FOXJ3: variants seen among roughly 807,000 people sequenced by gnomAD.
FOXJ3 encodes the protein forkhead box protein J3.
In FOXJ3, 22 loss-of-function variants were observed where a neutral mutation model predicts 76.1. That is an observed-to-expected ratio of 0.29 (90% confidence interval 0.21 to 0.41). The LOEUF (loss-of-function observed/expected upper bound fraction) is 0.41, where lower values mean the gene tolerates loss of function less well. Ranked by LOEUF, FOXJ3 falls within the 10% of genes least tolerant of loss-of-function variation. FOXJ3 has a pLI of 1.00. For missense variants in FOXJ3, 613 were observed against 762.1 expected (o/e 0.80, Z 2.30); for synonymous variants, 269 against 261.2 (o/e 1.03, Z -0.29).
chr1:42,191,804 C>T, intron 8 of FOXJ3, 85 bp from the exon 9 acceptor site: 1 of 1,416,808 alleles, frequency 7.1e-7, no homozygotes, highest in Non-Finnish European at 9.7e-7. Flanking sequence ...ATAACAAAAG[C>T]ATATGATGCC....
intron 5 of FOXJ3, among the ~76,000 whole-genome samples, chr1:42,212,172 T>G (rs1166818012): frequency 1.3e-5 from 2 of 152,196 alleles, no homozygotes; most frequent in East Asian, 1.9e-4. Flanking sequence ...GAGAATGGCT[T>G]GAACCCAACA....
Position 42,327,123 on chromosome 1 carries a change from C to G in FOXJ3, c.-18+7936G>C, listed in dbSNP as rs1655882589. ...TATTATTCAAATGTAAGGTGGAAAT[C>G]TTTTGAAAATACACATCCCCTACAA... is the stretch of plus-strand genomic sequence containing the variant. On this transcript the variant is annotated intron_variant, in intron 1 of 12. Transcript: ENST00000361346. Among the ~76,000 whole-genome samples the G allele has an allele frequency of 2.0e-5, 3 of 152,162 alleles. 1 individual carries two copies. The South Asian group carries it at 6.2e-4, about 31-fold the overall frequency.
At chr1:42,203,284 C>G (rs959972659) in intron 6 of FOXJ3, among the ~76,000 whole-genome samples, 1 of 152,110 alleles carries the variant, frequency 6.6e-6, no homozygotes, top group African/African-American at 2.4e-5. Context: ...CATTGTCTTC[C>G]CCCAACTGCA....
chr1:42,226,598 A>T (rs1569945671), intron 5 of FOXJ3, among the ~76,000 whole-genome samples: 1 of 151,094 alleles, frequency 6.6e-6, no homozygotes, highest in African/African-American at 2.4e-5. Context: ...ACAGAGCGAG[A>T]CTCCATCTCA....
chr1:42,252,650 A>T (rs1650193425), intron 4 of FOXJ3, among the ~76,000 whole-genome samples: 1 of 138,042 alleles, frequency 7.2e-6, no homozygotes. Context: ...GATTTTAGTT[A>T]TTTCTTGCCT....
rs781378302 is a variant in FOXJ3, at chr1:42,181,949, T to G, written c.1721A>C (p.Gln574Pro). Residue 574 changes from glutamine (Q) to proline (P), a missense_variant, in exon 12 of 13, where the codon CAG becomes CCG. By Grantham distance (76) the Gln-to-Pro change is moderately conservative. This residue lies in a region of FOXJ3 where 526 missense variants were observed against 601.4 expected (regional missense o/e 0.87). Transcript: ENST00000361346. ...CGTTGTTCCTGGAGTGCTGAGTGCC[T>G]GTGGGATATGAGGATAACCAGGGGG... ...MPPPGYPHIP[Q>P]ALSTPGTTMA... The G allele has an allele frequency of 3.1e-6, 5 of 1,613,022 alleles. No individual in the cohort carries two copies. In the Admixed American group the frequency reaches 5.0e-5, roughly 16 times the overall value.
At chr1:42,250,399 C>T (rs1025275501) in intron 4 of FOXJ3, among the ~76,000 whole-genome samples, 3 of 152,090 alleles carry the variant, frequency 2.0e-5, no homozygotes, top group Non-Finnish European at 4.4e-5. Context: ...GCAGAGTCTC[C>T]TATGCATGTT....
chr1:42,297,397 CTGTAGGTT>C (rs982392981), intron 2 of FOXJ3, among the ~76,000 whole-genome samples: 2 of 152,168 alleles, frequency 1.3e-5, no homozygotes, highest in African/African-American at 4.8e-5. Flanking sequence ...ATGATGTTGT[CTGTAGGTT>C]TGTCATATAT....
chr1:42,194,207 C>T (rs1646606351), intron 8 of FOXJ3, among the ~76,000 whole-genome samples: 1 of 152,138 alleles, frequency 6.6e-6, no homozygotes, highest in African/African-American at 2.4e-5. Flanking sequence ...AGTAGAGTTC[C>T]CAACAATTTC....
intron 5 of FOXJ3, among the ~76,000 whole-genome samples, chr1:42,221,875 G>A (rs1214345398): frequency 6.9e-6 from 1 of 143,934 alleles, no homozygotes; most frequent in African/African-American, 2.6e-5. Flanking sequence ...TACTTTGGGG[G>A]GCCAAGGCAA....
intron 2 of FOXJ3, among the ~76,000 whole-genome samples, chr1:42,291,860 C>A (rs1265361027): frequency 6.6e-6 from 1 of 152,028 alleles, no homozygotes; most frequent in Non-Finnish European, 1.5e-5. Flanking sequence ...GATGAGAAAA[C>A]CCATTTTTTT....
chr1:42,325,164 T>C (rs1655754012), intron 1 of FOXJ3, among the ~76,000 whole-genome samples: 1 of 152,232 alleles, frequency 6.6e-6, no homozygotes, highest in Non-Finnish European at 1.5e-5. Context: ...GAAGAATCGA[T>C]ACAATGTTGT....
Position 42,179,452 on chromosome 1 carries a change from C to T in FOXJ3, c.*258G>A. On this transcript the variant is annotated 3_prime_UTR_variant, in exon 13 of 13. Coordinates refer to ENST00000361346, the MANE Select transcript of FOXJ3 (RefSeq NM_014947.5). ...TTAACATCAAACTGACACAAATATG[C>T]AAAAAGCCGTCCAAATCACACAACA... is the stretch of plus-strand genomic sequence containing the variant. The T allele has an allele frequency of 4.1e-6, 1 of 245,214 alleles. No homozygotes were observed. The highest frequency in any genetic ancestry group is 7.8e-6 in the Non-Finnish European group (1 of 127,568). The allele number at this position is 245,214 out of a possible 1,614,324, so 15.2% of individuals were successfully genotyped here. A position where few individuals can be genotyped will look rare whatever the true frequency, so the allele number is the denominator to read the frequency against.
At chr1:42,312,263 G>A (rs995176259) in intron 1 of FOXJ3, among the ~76,000 whole-genome samples, 1 of 152,086 alleles carries the variant, frequency 6.6e-6, no homozygotes, top group Non-Finnish European at 1.5e-5. Context: ...TTGCTATGTT[G>A]CCCAGGCTGA....
intron 8 of FOXJ3, among the ~76,000 whole-genome samples, chr1:42,192,375 G>C (rs190272114): frequency 3.9e-5 from 6 of 152,302 alleles, no homozygotes; most frequent in Non-Finnish European, 7.4e-5. Context: ...GTGCCTGTGA[G>C]CATGTTTAAC....
At position 42,177,342 on chromosome 1, in the gene FOXJ3, T is replaced by A. The variant is rs1353881837; in HGVS notation, c.*2368A>T. On this transcript the variant is annotated 3_prime_UTR_variant, in exon 13 of 13. Transcript: ENST00000361346. ...AATTCGCTTCACACAATTTATAAAA[T>A]CATCATCAGTGGTTCTACTCAAATC... The A allele has an allele frequency of 6.6e-6, 1 of 152,658 alleles. No individual in the cohort carries two copies. Among genetic ancestry groups the A allele is most frequent in the Non-Finnish European group, 1.5e-5 (1 of 68,044 alleles). The allele number at this position is 152,658 out of a possible 1,614,324, so 9.5% of individuals were successfully genotyped here.
At chr1:42,269,911 C>G (rs1651745125) in intron 3 of FOXJ3, among the ~76,000 whole-genome samples, 1 of 152,174 alleles carries the variant, frequency 6.6e-6, no homozygotes, top group African/African-American at 2.4e-5. Context: ...GTCTCCCTTC[C>G]TCTCAGCCCT....
intron 4 of FOXJ3, among the ~76,000 whole-genome samples, chr1:42,251,169 A>C (rs1650011283): frequency 6.6e-6 from 1 of 152,120 alleles, no homozygotes. Flanking sequence ...AAAGAGAAAA[A>C]TTACTGAAAG....
chr1:42,195,135 A>G (rs1316041895), intron 7 of FOXJ3, 71 bp from the exon 8 acceptor site: 29 of 1,143,100 alleles, frequency 2.5e-5, no homozygotes, highest in Non-Finnish European at 3.6e-5. Flanking sequence ...TATAAAATAT[A>G]TAACTGAAAA....
Sources: allele counts gnomAD v4.1 joint callset (sites outside exome capture counted in the v4.1 genomes callset), GRCh38; gene constraint gnomAD v4.1.1; regional missense constraint gnomAD v4.1.1; transcripts MANE v1.5; gene names NCBI Gene and HGNC (gene_info 2026-07-23, HGNC 2026-07-21).